Variants in BCAS3 observed in about 807,000 individuals in gnomAD.
BCAS3 encodes BCAS3 microtubule associated cell migration factor.
BCAS3 carries 53 observed loss-of-function variants against 116.1 expected under a neutral mutation model. That is an observed-to-expected ratio of 0.46 (90% CI 0.37 to 0.57). BCAS3 has a LOEUF of 0.57. Among genes scored for constraint, BCAS3 ranks in the 20% least tolerant of loss-of-function variants. BCAS3 has a pLI of 0.00. For synonymous variants in BCAS3, 391 were observed against 408.2 expected (o/e 0.96, Z 0.51); for missense variants, 917 against 1,165.4 (o/e 0.79, Z 3.10).
chr17:61,145,222 T>G lies in BCAS3; in HGVS notation c.2425+60658T>G, dbSNP rs998660769. 6.6e-6 allele frequency among the ~76,000 whole-genome samples: 1 copy of G among 152,142 alleles called. No individual in the cohort carries two copies. Among genetic ancestry groups the G allele is most frequent in the Non-Finnish European group, 1.5e-5 (1 of 68,038 alleles). ...TTCCTTGTGAAATGATTTCCACCAG[T>G]CTTGAATCTTTCTTGTTTCTGCCGT... On this transcript the variant is annotated intron_variant, in intron 22 of 23. Transcript: ENST00000407086. This position sits in a 1 kb window ranked among gnomAD's most constrained non-coding sequence, Gnocchi z 5.0.
intron 7 of BCAS3, chr17:60,810,095 A>T: frequency 3.4e-6 from 1 of 297,424 alleles, no homozygotes; most frequent in South Asian, 4.4e-5. Context: ...AAGGCAGACA[A>T]TAGAAATCAT....
rs188420083 is a variant in BCAS3, at chr17:61,331,483, A to C, written c.2426-36844A>C. ...CCAGGTTCAAGCCCAGAACTAGTTCAAAACTTTAGCCTCAAGGAAAAGGTC... is the reference window on the plus strand; with the variant it reads ...CCAGGTTCAAGCCCAGAACTAGTTCCAAACTTTAGCCTCAAGGAAAAGGTC... On this transcript the variant is annotated intron_variant, in intron 22 of 23. Transcript: ENST00000407086. Among the ~76,000 whole-genome samples, 7 of 152,248 alleles carry C rather than the reference A, an allele frequency of 4.6e-5. No individual in the cohort carries two copies. The East Asian group carries it at 1.4e-3, about 29-fold the overall frequency.
In BCAS3 at chr17:61,132,260, A is replaced by T. The variant is rs1031015149; in HGVS notation, c.2425+47696A>T. 1.3e-5 allele frequency among the ~76,000 whole-genome samples: 2 copies of T among 152,188 alleles called. No homozygotes were observed. The highest frequency in any genetic ancestry group is 4.8e-5 in the African/African-American group (2 of 41,452). On this transcript the variant is annotated intron_variant, in intron 22 of 23. Transcript: ENST00000407086. This position sits in a 1 kb window ranked among gnomAD's most constrained non-coding sequence, Gnocchi z 5.1. ...AGCAGAAAAAAACAAATTCCTGTTC[A>T]CTTGGTAATTTTAAACACAACCAGG...
chr17:61,297,484 G>C (rs1430788718), intron 22 of BCAS3, among the ~76,000 whole-genome samples: 1 of 152,152 alleles, frequency 6.6e-6, no homozygotes, highest in African/African-American at 2.4e-5. Context: ...CAGCATCCAA[G>C]AGAAGTTCAC....
At chr17:60,877,665 A>G (rs1256537118) in intron 9 of BCAS3, among the ~76,000 whole-genome samples, 3 of 152,222 alleles carry the variant, frequency 2.0e-5, no homozygotes, top group African/African-American at 7.2e-5. Flanking sequence ...AGAGGGATCA[A>G]CAGTGTTTGT....
intron 6 of BCAS3, among the ~76,000 whole-genome samples, chr17:60,749,258 G>A (rs1164080148): frequency 6.6e-6 from 1 of 152,140 alleles, no homozygotes; most frequent in African/African-American, 2.4e-5. Flanking sequence ...TAACAAATAC[G>A]TGTTTATAAG....
In BCAS3 at chr17:61,019,189, C is replaced by T. The variant is rs1278896333; in HGVS notation, c.1637+3288C>T. 6.6e-6 allele frequency among the ~76,000 whole-genome samples: 1 copy of T among 152,202 alleles called. No individual in the cohort carries two copies. The highest frequency in any genetic ancestry group is 2.4e-5 in the African/African-American group (1 of 41,448). On this transcript the variant is annotated intron_variant, in intron 16 of 23. Transcript: ENST00000407086. This position sits in a 1 kb window ranked among gnomAD's most constrained non-coding sequence, Gnocchi z 5.6. ...GAGCATCACCGCCTGAGCTCTGCCT[C>T]CTGTCAGATCAGCATCGGCATTAGA...
In BCAS3 at chr17:61,355,851, T is replaced by C. The variant is rs1330909815; in HGVS notation, c.2426-12476T>C. On this transcript the variant is annotated intron_variant, in intron 22 of 23. Transcript: ENST00000407086. This position sits in a 1 kb window ranked among gnomAD's most constrained non-coding sequence, Gnocchi z 4.2. ...AGAGATTCAGTTCCTTGTTTTTCCA[T>C]TGAAGGAATTGCTAGGTTTCCGAGG... is the stretch of plus-strand genomic sequence containing the variant. Among the ~76,000 whole-genome samples the C allele has an allele frequency of 6.6e-6, 1 of 152,202 alleles. No individual in the cohort carries two copies. The highest frequency in any genetic ancestry group is 6.5e-5 in the Admixed American group (1 of 15,288).
chr17:61,284,593 C>T (rs543224751), intron 22 of BCAS3, among the ~76,000 whole-genome samples: 9 of 152,148 alleles, frequency 5.9e-5, no homozygotes, highest in Non-Finnish European at 1.0e-4. Flanking sequence ...ACTTGTTCAC[C>T]TCCGATGCTG....
At chr17:61,246,793 G>GTGTA (rs1491158471) in intron 22 of BCAS3, among the ~76,000 whole-genome samples, 2 of 3,082 alleles carry the variant, frequency 6.5e-4, no homozygotes, top group African/African-American at 9.5e-4. Flanking sequence ...TTGAGTGAGA[G>GTGTA]TGTGTGTGTG....
chr17:60,904,280 T>C (rs2058073504), intron 11 of BCAS3, among the ~76,000 whole-genome samples: 1 of 152,024 alleles, frequency 6.6e-6, no homozygotes, highest in Non-Finnish European at 1.5e-5. Flanking sequence ...GGCGGGTGCC[T>C]GTAGTCCCAG....
At chr17:60,864,643 G>A (rs1017076187) in intron 7 of BCAS3, among the ~76,000 whole-genome samples, 3 of 152,186 alleles carry the variant, frequency 2.0e-5, no homozygotes, top group African/African-American at 7.2e-5. Flanking sequence ...TGTGTTCACT[G>A]GAGTAGCACT....
In BCAS3 at chr17:60,780,596, C is replaced by T. The variant is rs144569294; in HGVS notation, c.404-27408C>T. Reference sequence around the variant, plus strand: ...GGGATTACAGGCATGAGCCACCACACCCAACCCTAAAAAGCTTTTTTGTCA... The same window carrying T: ...GGGATTACAGGCATGAGCCACCACATCCAACCCTAAAAAGCTTTTTTGTCA... On this transcript the variant is annotated intron_variant, in intron 6 of 23. Coordinates refer to ENST00000407086, the MANE Select transcript of BCAS3 (RefSeq NM_017679.5). 2.6e-3 allele frequency among the ~76,000 whole-genome samples: 401 copies of T among 152,256 alleles called. 1 individual carries two copies. Among genetic ancestry groups the T allele is most frequent in the African/African-American group, 8.8e-3 (366 of 41,554 alleles).
At chr17:60,980,649 T>C (rs1056278729) in intron 14 of BCAS3, 1 of 149,462 alleles carries the variant, frequency 6.7e-6, no homozygotes, top group Non-Finnish European at 1.5e-5. Context: ...TACTCCCACC[T>C]CGGCCTCCTG....
At chr17:61,072,243 A>G (rs752740278) in intron 19 of BCAS3, among the ~76,000 whole-genome samples, 7 of 152,164 alleles carry the variant, frequency 4.6e-5, no homozygotes, top group African/African-American at 7.2e-5. Context: ...CCAAACATAC[A>G]CAAAACTAGA....
At position 61,161,627 on chromosome 17, in the gene BCAS3, A is replaced by G. The variant is rs2078172539; in HGVS notation, c.2425+77063A>G. Among the ~76,000 whole-genome samples the G allele has an allele frequency of 6.6e-6, 1 of 152,128 alleles. No homozygotes were observed. The highest frequency in any genetic ancestry group is 6.5e-5 in the Admixed American group (1 of 15,282). On this transcript the variant is annotated intron_variant, in intron 22 of 23. Transcript: ENST00000407086. The surrounding 1 kb of genome is among the most constrained non-coding windows in gnomAD (Gnocchi z 4.8). ...ATAGACGATGTCTTTATTTTAAACA[A>G]TCTAGTGGTGGTTGAAGAGGCCATC...
chr17:61,075,467 A>T lies in BCAS3; in HGVS notation c.2130+447A>T, dbSNP rs532913525. On this transcript the variant is annotated intron_variant, in intron 20 of 23. Transcript: ENST00000407086. Reference sequence around the variant, plus strand: ...GTAGCTGGGATTACAGGCATGCACCACCATGCCTGGCTAATTTTTGTATTT... The same window carrying T: ...GTAGCTGGGATTACAGGCATGCACCTCCATGCCTGGCTAATTTTTGTATTT... Among the ~76,000 whole-genome samples the T allele has an allele frequency of 3.7e-4, 57 of 152,158 alleles. 1 individual carries two copies. The South Asian group carries it at 9.1e-3, about 24-fold the overall frequency.
chr17:60,868,903 G>T (rs949404818), intron 8 of BCAS3, among the ~76,000 whole-genome samples: 1 of 152,046 alleles, frequency 6.6e-6, no homozygotes, highest in African/African-American at 2.4e-5. Context: ...CAGTTTAGTG[G>T]GATATAACAA....
intron 6 of BCAS3, among the ~76,000 whole-genome samples, chr17:60,772,351 C>T (rs1472984617): frequency 2.0e-5 from 3 of 151,918 alleles, no homozygotes; most frequent in Non-Finnish European, 4.4e-5. Flanking sequence ...GCATAAATGT[C>T]TTCTTTTGAG....
Sources: gnomAD v4.1 joint callset for allele counts (sites outside exome capture counted in the v4.1 genomes callset) on GRCh38, gnomAD v4.1.1 for gene constraint, Gnocchi (gnomAD v3.1) non-coding constraint, MANE v1.5 for transcripts, NCBI Gene and HGNC (gene_info 2026-07-23, HGNC 2026-07-21) for gene names.